Variants in DUSP10 observed in about 807,000 individuals in gnomAD.
DUSP10 encodes the protein dual specificity protein phosphatase 10.
DUSP10 carries 14 observed loss-of-function variants against 30.8 expected under a neutral mutation model. That is an observed-to-expected ratio of 0.46 (90% CI 0.30 to 0.71). DUSP10 has a LOEUF of 0.71. Among genes scored for constraint, DUSP10 ranks in the 30% least tolerant of loss-of-function variants. DUSP10 has a pLI of 0.08. For missense variants in DUSP10, 550 were observed against 619.4 expected, an observed-to-expected ratio of 0.89 and a Z score of 1.19; for synonymous variants, 254 against 250.4, an observed-to-expected ratio of 1.01 and a Z score of -0.14.
chr1:221,707,609 C>T (rs1484704708), intron 2 of DUSP10, among the ~76,000 whole-genome samples: 1 of 152,146 alleles, frequency 6.6e-6, no homozygotes, highest in Non-Finnish European at 1.5e-5. Flanking sequence ...GGGAAATCAT[C>T]TAACCAAAGA....
intron 2 of DUSP10, among the ~76,000 whole-genome samples, chr1:221,729,735 T>C (rs1332368134): frequency 6.6e-6 from 1 of 152,240 alleles, no homozygotes; most frequent in Admixed American, 6.5e-5. Context: ...AGTAGTTCTA[T>C]GTGATTAACT....
At chr1:221,717,679 G>A (rs1235193782) in intron 2 of DUSP10, among the ~76,000 whole-genome samples, 1 of 152,118 alleles carries the variant, frequency 6.6e-6, no homozygotes, top group Non-Finnish European at 1.5e-5. Flanking sequence ...GGGCTCCTGT[G>A]ATGGGAGTAG....
At chr1:221,737,208 T>C (rs1661802639) in intron 2 of DUSP10, 1 of 985,318 alleles carries the variant, frequency 1.0e-6, no homozygotes, top group African/African-American at 1.7e-5. Flanking sequence ...TCTTGATCCG[T>C]GTTGTTTCCT....
intron 2 of DUSP10, among the ~76,000 whole-genome samples, chr1:221,735,365 C>T (rs1661735324): frequency 6.6e-6 from 1 of 152,206 alleles, no homozygotes; most frequent in Non-Finnish European, 1.5e-5. Flanking sequence ...CTCTGTAGAC[C>T]TGACTGCCAG....
At chr1:221,732,612 T>C (rs1157009776) in intron 2 of DUSP10, among the ~76,000 whole-genome samples, 1 of 152,250 alleles carries the variant, frequency 6.6e-6, no homozygotes, top group Admixed American at 6.5e-5. Flanking sequence ...CTGTTGAACC[T>C]GGCAAGACCT....
intron 2 of DUSP10, among the ~76,000 whole-genome samples, chr1:221,722,104 G>C (rs150827041): frequency 1.2e-4 from 18 of 152,300 alleles, no homozygotes; most frequent in African/African-American, 3.8e-4. Flanking sequence ...CAAGTTACTT[G>C]AACTTAAGAC....
At chr1:221,724,610 C>A (rs182109877) in intron 2 of DUSP10, among the ~76,000 whole-genome samples, 13 of 152,308 alleles carry the variant, frequency 8.5e-5, no homozygotes, top group Middle Eastern at 6.8e-3. Flanking sequence ...TTGGACGCTG[C>A]AGATAGATTT....
At chr1:221,732,864 G>A (rs1571830234) in intron 2 of DUSP10, among the ~76,000 whole-genome samples, 1 of 152,274 alleles carries the variant, frequency 6.6e-6, no homozygotes, top group African/African-American at 2.4e-5. Context: ...TCACCTTCAG[G>A]TGATACCAAT....
At chr1:221,735,197 C>T (rs1025352373) in intron 2 of DUSP10, among the ~76,000 whole-genome samples, 1 of 152,200 alleles carries the variant, frequency 6.6e-6, no homozygotes. Context: ...GCCTTTGGTA[C>T]AGAGCAGTCC....
In DUSP10 at chr1:221,720,573, A is replaced by T. The variant is rs1201006781; in HGVS notation, c.812-14107T>A. ...TGTGGGGAAGGTGGGGTAATCTTGT[A>T]GGACTGAGCCACAACTTGTGGGGTC... On this transcript the variant is annotated intron_variant, in intron 2 of 3. Transcript: ENST00000366899. Among the ~76,000 whole-genome samples, 3 of 152,326 alleles carry T rather than the reference A, an allele frequency of 2.0e-5. No homozygotes were observed. The East Asian group carries it at 5.8e-4, about 29-fold the overall frequency.
chr1:221,711,488 T>C (rs894274314), intron 2 of DUSP10: 1 of 152,238 alleles, frequency 6.6e-6, no homozygotes, highest in African/African-American at 2.4e-5. Context: ...CAGTTTGCTA[T>C]AAGCATATTG....
chr1:221,740,957 C>A (rs761615683), intron 1 of DUSP10, among the ~76,000 whole-genome samples: 2 of 152,182 alleles, frequency 1.3e-5, no homozygotes, highest in African/African-American at 2.4e-5. Flanking sequence ...CGCCAAGAGA[C>A]GCTCACCTAA....
chr1:221,739,362 C>A lies in DUSP10; in HGVS notation c.383G>T (p.Ser128Ile), dbSNP rs1240288335. ...VNNNENTGSL[S>I]PSSGVGSPVS... ...AGGGCTGCCCACCCCACTTGATGGA[C>A]TTAGAGAGCCTGTATTCTCATTATT... The change falls in exon 2 of 4, where the codon AGT becomes ATT. Residue 128 changes from serine to isoleucine, a missense_variant. By Grantham distance (142) the Ser-to-Ile change is moderately radical. Coordinates refer to ENST00000366899, the MANE Select transcript of DUSP10 (RefSeq NM_007207.6). 1.9e-6 allele frequency: 3 copies of A among 1,614,044 alleles called. No homozygotes were observed. The highest frequency in any genetic ancestry group is 1.6e-4 in the Middle Eastern group (1 of 6,062).
At chr1:221,725,943 A>C (rs764450232) in intron 2 of DUSP10, among the ~76,000 whole-genome samples, 27 of 152,194 alleles carry the variant, frequency 1.8e-4, no homozygotes, top group Non-Finnish European at 3.7e-4. Context: ...CTTCCACAAT[A>C]GCTTCTGATT....
chr1:221,720,220 T>G (rs1032565024), intron 2 of DUSP10, among the ~76,000 whole-genome samples: 7 of 152,152 alleles, frequency 4.6e-5, no homozygotes, highest in Non-Finnish European at 8.8e-5. Flanking sequence ...TGGGGGCCCC[T>G]AAATAGCTCC....
At chr1:221,712,252 T>C (rs1660958399) in intron 2 of DUSP10, among the ~76,000 whole-genome samples, 1 of 152,114 alleles carries the variant, frequency 6.6e-6, no homozygotes, top group African/African-American at 2.4e-5. Flanking sequence ...CCAGGGAACT[T>C]GTATTTCTTT....
chr1:221,701,587 G>GAAAAAAAA lies in DUSP10; in HGVS notation c.*817_*824dup, dbSNP rs746817576. ...TGGCACTGTAACCAGAATCAAATCA[G>GAAAAAAAA]AAAAAAAAAAAAAAAAGGAAAAAGG... On this transcript the variant is annotated 3_prime_UTR_variant, in exon 4 of 4. Coordinates refer to ENST00000366899, the MANE Select transcript of DUSP10 (RefSeq NM_007207.6). The GAAAAAAAA allele has an allele frequency of 2.4e-5, 1 of 41,126 alleles. No individual in the cohort carries two copies. Among genetic ancestry groups the GAAAAAAAA allele is most frequent in the Admixed American group, 2.6e-4 (1 of 3,916 alleles). 2.5% of individuals were successfully genotyped at this position (41,126 alleles called of 1,614,324 possible).
chr1:221,730,088 C>T (rs1263056485), intron 2 of DUSP10, among the ~76,000 whole-genome samples: 1 of 151,986 alleles, frequency 6.6e-6, no homozygotes, highest in Non-Finnish European at 1.5e-5. Flanking sequence ...CCTCCTCTTT[C>T]TCCTTTCAAT....
intron 1 of DUSP10, among the ~76,000 whole-genome samples, chr1:221,740,834 G>A (rs1049118449): frequency 2.0e-5 from 3 of 152,202 alleles, no homozygotes; most frequent in Non-Finnish European, 2.9e-5. Flanking sequence ...ATTTCAGAGT[G>A]TCTGCAAAAA....
Sources: allele counts gnomAD v4.1 joint callset (sites outside exome capture counted in the v4.1 genomes callset), GRCh38; gene constraint gnomAD v4.1.1; transcripts MANE v1.5; gene names NCBI Gene and HGNC (gene_info 2026-07-23, HGNC 2026-07-21).